JAKMIP2: variants seen among roughly 807,000 people sequenced by gnomAD.
JAKMIP2 encodes the protein janus kinase and microtubule interacting protein 2.
A neutral mutation model predicts 115.0 loss-of-function variants in JAKMIP2; 25 were observed. The observed-to-expected ratio is 0.22, with a 90% confidence interval of 0.16 to 0.30. JAKMIP2 has a LOEUF of 0.30. Among genes scored for constraint, JAKMIP2 ranks in the 10% least tolerant of loss-of-function variants. The pLI is 1.00. For synonymous variants in JAKMIP2, 334 were observed against 343.6 expected, an observed-to-expected ratio of 0.97 and a Z score of 0.31; for missense variants, 642 against 957.6, an observed-to-expected ratio of 0.67 and a Z score of 4.35.
At chr5:147,605,882 G>A (rs1421292795) in intron 20 of JAKMIP2, among the ~76,000 whole-genome samples, 2 of 152,164 alleles carry the variant, frequency 1.3e-5, no homozygotes, top group African/African-American at 2.4e-5. Flanking sequence ...CATTCTAACT[G>A]GTGTGAGATG....
chr5:147,736,172 G>A (rs1461258034), intron 1 of JAKMIP2, among the ~76,000 whole-genome samples: 2 of 151,922 alleles, frequency 1.3e-5, no homozygotes, highest in Admixed American at 1.3e-4. Context: ...TAAAAATTTG[G>A]GGGCCGGGCA....
At chr5:147,778,620 G>T (rs150189418) in intron 1 of JAKMIP2, among the ~76,000 whole-genome samples, 1 of 151,802 alleles carries the variant, frequency 6.6e-6, no homozygotes, top group Non-Finnish European at 1.5e-5. Flanking sequence ...TAATTATTAC[G>T]ACACTAGCTT....
intron 1 of JAKMIP2, among the ~76,000 whole-genome samples, chr5:147,772,921 G>A (rs1023930626): frequency 2.2e-4 from 33 of 152,132 alleles, no homozygotes; most frequent in Admixed American, 1.6e-3. Flanking sequence ...AATACTCAGC[G>A]TACTAGATGC....
At chr5:147,641,839 G>T in intron 7 of JAKMIP2, 75 bp from the exon 8 acceptor site, 1 of 1,240,952 alleles carries the variant, frequency 8.1e-7, no homozygotes, top group Non-Finnish European at 1.2e-6. Flanking sequence ...AAGACAGAGT[G>T]TTCTTTCCCA....
At chr5:147,678,603 G>A (rs1760098192) in intron 1 of JAKMIP2, among the ~76,000 whole-genome samples, 1 of 151,844 alleles carries the variant, frequency 6.6e-6, no homozygotes, top group African/African-American at 2.4e-5. Flanking sequence ...GACAAACACT[G>A]CAATATTAAA....
rs529274146 is a variant in JAKMIP2, at chr5:147,735,378, T to C, written c.-149+47078A>G. Among the ~76,000 whole-genome samples, 19 of 152,308 alleles carry C rather than the reference T, an allele frequency of 1.2e-4. No individual in the cohort carries two copies. In the South Asian group the frequency reaches 3.9e-3, roughly 32 times the overall value. ...TAGTTTATAAAGGAAAGAGGTTTAA[T>C]TGACTCACAGTTCCACATGGCTGGA... On this transcript the variant is annotated intron_variant, in intron 1 of 21. Coordinates refer to ENST00000616793, the MANE Select transcript of JAKMIP2 (RefSeq NM_001270941.2).
At chr5:147,591,814 GC>G in intron 21 of JAKMIP2, 128 bp from the exon 22 acceptor site, 1 of 594,232 alleles carries the variant, frequency 1.7e-6, no homozygotes, top group South Asian at 2.3e-5. Flanking sequence ...ATGATCTTAT[GC>G]AAGTTACATC....
chr5:147,755,815 A>G (rs2127033727), intron 1 of JAKMIP2, among the ~76,000 whole-genome samples: 1 of 152,182 alleles, frequency 6.6e-6, no homozygotes, highest in Middle Eastern at 3.4e-3. Context: ...CAATGACCCA[A>G]GCTCTTTTTT....
At chr5:147,661,956 G>A (rs1759005462) in intron 2 of JAKMIP2, 1 of 153,394 alleles carries the variant, frequency 6.5e-6, no homozygotes, top group Admixed American at 6.5e-5. Context: ...GTGTGTCTTA[G>A]AATAGCTCAC....
chr5:147,666,745 C>T (rs1292442182), intron 2 of JAKMIP2, among the ~76,000 whole-genome samples: 1 of 152,192 alleles, frequency 6.6e-6, no homozygotes, highest in African/African-American at 2.4e-5. Context: ...AACCTTGCTT[C>T]ACCTCTGTCA....
intron 5 of JAKMIP2, among the ~76,000 whole-genome samples, chr5:147,646,836 T>A (rs1041253562): frequency 1.3e-5 from 2 of 151,570 alleles, no homozygotes; most frequent in Non-Finnish European, 2.9e-5. Flanking sequence ...TAACAAATAT[T>A]AATTTATATT....
rs1461703636 is a variant in JAKMIP2, at chr5:147,650,362, A to G, written c.813T>C (p.Asp271=). 1 of 1,612,434 alleles carries G rather than the reference A, an allele frequency of 6.2e-7. No homozygotes were observed. The highest frequency in any genetic ancestry group is 1.3e-5 in the African/African-American group (1 of 75,014). ...PKREIPGRAG[D]GSEHCSSPDL... is the part of the protein sequence containing the mutation. ...CAGGACTGCTGCAGTGTTCGGAACC[A>G]TCACCTGCCCTTCCTGGAATTTCTC... Residue 271 remains aspartate, a synonymous_variant, in exon 4 of 22, where the codon GAT becomes GAC. Transcript: ENST00000616793.
At chr5:147,607,636 T>A (rs1756096660) in intron 20 of JAKMIP2, among the ~76,000 whole-genome samples, 1 of 152,068 alleles carries the variant, frequency 6.6e-6, no homozygotes, top group African/African-American at 2.4e-5. Context: ...TGAAATTTTG[T>A]TGTTGTTGTT....
chr5:147,612,759 G>A (rs748337772), intron 19 of JAKMIP2, among the ~76,000 whole-genome samples: 2 of 152,154 alleles, frequency 1.3e-5, no homozygotes, highest in Non-Finnish European at 2.9e-5. Flanking sequence ...AGAGGGTGTA[G>A]TATATCTCAG....
At chr5:147,760,368 G>C (rs1754889292) in intron 1 of JAKMIP2, among the ~76,000 whole-genome samples, 1 of 148,326 alleles carries the variant, frequency 6.7e-6, no homozygotes, top group East Asian at 2.0e-4. Context: ...TTTAGAGATG[G>C]AAAGCAGAAG....
chr5:147,737,416 T>G (rs1753967206), intron 1 of JAKMIP2, among the ~76,000 whole-genome samples: 1 of 152,192 alleles, frequency 6.6e-6, no homozygotes, highest in Non-Finnish European at 1.5e-5. Context: ...ACCAAAATGG[T>G]GATGATATAA....
intron 1 of JAKMIP2, among the ~76,000 whole-genome samples, chr5:147,731,895 G>A (rs531579324): frequency 6.6e-6 from 1 of 152,318 alleles, no homozygotes; most frequent in South Asian, 2.1e-4. Flanking sequence ...TCCCAGTGTT[G>A]CAGCATTGTT....
At chr5:147,598,462 T>TCTATCAC (rs376428509) in intron 21 of JAKMIP2, among the ~76,000 whole-genome samples, 52,397 of 147,842 alleles carry the variant, frequency 0.35, 10,202 homozygotes, top group Non-Finnish European at 0.43. Flanking sequence ...CTATCTATCA[T>TCTATCAC]CTATCTATGT....
chr5:147,748,482 T>A (rs1333331773), intron 1 of JAKMIP2, among the ~76,000 whole-genome samples: 2 of 152,126 alleles, frequency 1.3e-5, no homozygotes, highest in African/African-American at 4.8e-5. Context: ...CAGCCCCAAA[T>A]CATTTCTTTT....
Sources: gnomAD v4.1 joint callset for allele counts (sites outside exome capture counted in the v4.1 genomes callset) on GRCh38, gnomAD v4.1.1 for gene constraint, MANE v1.5 for transcripts, NCBI Gene and HGNC (gene_info 2026-07-23, HGNC 2026-07-21) for gene names.